FMNL2: variants seen among roughly 807,000 people sequenced by gnomAD.
FMNL2 encodes the protein formin like 2, also known as formin-like protein 2.
FMNL2 carries 51 observed loss-of-function variants against 130.2 expected under a neutral mutation model. That is an observed-to-expected ratio of 0.39 (90% CI 0.31 to 0.49). FMNL2 has a LOEUF of 0.49. FMNL2 is among the 20% of genes least tolerant of loss of function. The pLI, the probability that FMNL2 is intolerant of heterozygous loss-of-function variation, is 0.85. For synonymous variants in FMNL2, 465 were observed against 467.1 expected, an observed-to-expected ratio of 1.00 and a Z score of 0.06; for missense variants, 977 against 1,316.2, an observed-to-expected ratio of 0.74 and a Z score of 3.99.
At chr2:152,450,354 C>T (rs1377778996) in intron 1 of FMNL2, among the ~76,000 whole-genome samples, 1 of 152,172 alleles carries the variant, frequency 6.6e-6, no homozygotes, top group Non-Finnish European at 1.5e-5. Flanking sequence ...ACAGAGCCAG[C>T]TCAGTTCTCT....
At chr2:152,440,813 G>A (rs1688011800) in intron 1 of FMNL2, among the ~76,000 whole-genome samples, 1 of 152,136 alleles carries the variant, frequency 6.6e-6, no homozygotes, top group Non-Finnish European at 1.5e-5. Flanking sequence ...AATGAGGGAG[G>A]ACTTTTGTGG....
intron 1 of FMNL2, among the ~76,000 whole-genome samples, chr2:152,411,124 G>A (rs1402071046): frequency 2.0e-5 from 3 of 152,180 alleles, no homozygotes; most frequent in Non-Finnish European, 4.4e-5. Flanking sequence ...GAAGCCATTG[G>A]TTAGTTTTCA....
chr2:152,437,435 T>C (rs547400856), intron 1 of FMNL2, among the ~76,000 whole-genome samples: 3 of 152,294 alleles, frequency 2.0e-5, no homozygotes, highest in South Asian at 4.1e-4. Flanking sequence ...AAACTTACTG[T>C]AACTGCAAAG....
chr2:152,596,174 G>C (rs992151822), intron 9 of FMNL2, among the ~76,000 whole-genome samples: 1 of 151,758 alleles, frequency 6.6e-6, no homozygotes, highest in Non-Finnish European at 1.5e-5. Context: ...TATTGGCCAG[G>C]CTGGTCTTGA....
intron 1 of FMNL2, among the ~76,000 whole-genome samples, chr2:152,459,207 C>G (rs908974520): frequency 6.6e-6 from 1 of 152,144 alleles, no homozygotes; most frequent in African/African-American, 2.4e-5. Context: ...ATGGAGAGAA[C>G]TCTCTGCTTT....
At chr2:152,463,095 C>T (rs554060959) in intron 1 of FMNL2, among the ~76,000 whole-genome samples, 3 of 152,124 alleles carry the variant, frequency 2.0e-5, no homozygotes, top group Non-Finnish European at 2.9e-5. Context: ...GTTAGCACGT[C>T]GGATTTCTAG....
intron 1 of FMNL2, among the ~76,000 whole-genome samples, chr2:152,439,684 T>C (rs1343488539): frequency 6.6e-6 from 1 of 151,556 alleles, no homozygotes; most frequent in Non-Finnish European, 1.5e-5. Flanking sequence ...CTTTCTTTGC[T>C]CTCTTTGATC....
At chr2:152,457,064 G>A (rs1392460256) in intron 1 of FMNL2, among the ~76,000 whole-genome samples, 2 of 152,166 alleles carry the variant, frequency 1.3e-5, no homozygotes, top group South Asian at 2.1e-4. Context: ...TTTAGTGCCC[G>A]AAGAATGGAG....
chr2:152,431,815 A>G (rs1687505394), intron 1 of FMNL2, among the ~76,000 whole-genome samples: 1 of 151,890 alleles, frequency 6.6e-6, no homozygotes, highest in Admixed American at 6.6e-5. Flanking sequence ...AAAATAAAAA[A>G]TAGACAGACA....
intron 1 of FMNL2, among the ~76,000 whole-genome samples, chr2:152,420,322 A>G (rs7601047): frequency 0.19 from 28,728 of 152,190 alleles, 2,916 homozygotes; most frequent in Middle Eastern, 0.38. Context: ...CTGAGTTAAA[A>G]AGTGTTTTCT....
At chr2:152,438,613 AT>A (rs1468274302) in intron 1 of FMNL2, among the ~76,000 whole-genome samples, 2 of 152,098 alleles carry the variant, frequency 1.3e-5, no homozygotes, top group African/African-American at 4.8e-5. Context: ...TCAGTGAAAA[AT>A]TGTCTGCTAG....
intron 1 of FMNL2, among the ~76,000 whole-genome samples, chr2:152,483,970 A>G (rs1690675030): frequency 6.6e-6 from 1 of 152,226 alleles, no homozygotes; most frequent in African/African-American, 2.4e-5. Context: ...ATGTATTTGT[A>G]TAGGGTGCAG....
chr2:152,497,971 C>T, intron 1 of FMNL2, among the ~76,000 whole-genome samples: 1 of 152,164 alleles, frequency 6.6e-6, no homozygotes, highest in East Asian at 1.9e-4. Context: ...CATGACCTCT[C>T]CCTGGTTTGT....
At chr2:152,584,394 A>C (rs1696950495) in intron 9 of FMNL2, among the ~76,000 whole-genome samples, 1 of 152,166 alleles carries the variant, frequency 6.6e-6, no homozygotes, top group African/African-American at 2.4e-5. Flanking sequence ...TTTTTTAGTA[A>C]GTTGGGATTC....
At chr2:152,552,718 A>G (rs1424122534) in intron 4 of FMNL2, among the ~76,000 whole-genome samples, 1 of 152,224 alleles carries the variant, frequency 6.6e-6, no homozygotes, top group Non-Finnish European at 1.5e-5. Context: ...AGCTTTTGAA[A>G]TTACTTGAAA....
chr2:152,419,696 T>C (rs16831093), intron 1 of FMNL2, among the ~76,000 whole-genome samples: 28,673 of 152,046 alleles, frequency 0.19, 2,912 homozygotes, highest in Middle Eastern at 0.38. Context: ...GAACCAAGAA[T>C]CCAAATGTGG....
In FMNL2 at chr2:152,619,489, G is replaced by A; in HGVS notation, c.1628-20G>A. Reference sequence around the variant, plus strand: ...ATTCCCGTATTTTCAAAGTCCATCTGTTTCTTTTTTCTTTGCTAGTGCAAA... The same window carrying A: ...ATTCCCGTATTTTCAAAGTCCATCTATTTCTTTTTTCTTTGCTAGTGCAAA... On this transcript the variant is annotated intron_variant, in intron 14 of 25. Coordinates refer to ENST00000288670, the MANE Select transcript of FMNL2 (RefSeq NM_052905.4). 6.5e-7 allele frequency: 1 copy of A among 1,549,884 alleles called. No homozygotes were observed. Among genetic ancestry groups the A allele is most frequent in the Non-Finnish European group, 8.7e-7 (1 of 1,146,866 alleles).
chr2:152,631,579 C>T (rs1271702146), intron 20 of FMNL2, among the ~76,000 whole-genome samples: 5 of 151,960 alleles, frequency 3.3e-5, no homozygotes, highest in African/African-American at 1.2e-4. Context: ...ATGGGAATGG[C>T]ACGTGCGAGG....
At chr2:152,431,402 C>CATGT (rs1272919741) in intron 1 of FMNL2, among the ~76,000 whole-genome samples, 2 of 152,166 alleles carry the variant, frequency 1.3e-5, no homozygotes, top group African/African-American at 4.8e-5. Flanking sequence ...CAACTGGTTG[C>CATGT]ATGTACATGG....
Sources: allele counts gnomAD v4.1 joint callset (sites outside exome capture counted in the v4.1 genomes callset), GRCh38; gene constraint gnomAD v4.1.1; transcripts MANE v1.5; gene names NCBI Gene and HGNC (gene_info 2026-07-23, HGNC 2026-07-21).